The following GPHN variants were observed in gnomAD, a reference collection of about 807,000 sequenced individuals.
GPHN encodes the protein gephyrin.
GPHN carries 17 observed loss-of-function variants against 95.5 expected under a neutral mutation model. That is an observed-to-expected ratio of 0.18 (90% CI 0.12 to 0.27). The LOEUF (loss-of-function observed/expected upper bound fraction) is 0.27, where lower values mean the gene tolerates loss of function less well. Among genes scored for constraint, GPHN ranks in the 10% least tolerant of loss-of-function variants. GPHN has a pLI of 1.00. For missense variants in GPHN, 660 were observed against 978.1 expected (o/e 0.67, Z 4.34); for synonymous variants, 320 against 322.5 (o/e 0.99, Z 0.08).
the GPHN span, among the ~76,000 whole-genome samples, chr14:67,657,690 C>T: frequency 1.3e-5 from 2 of 151,798 alleles, no homozygotes; most frequent in African/African-American, 4.8e-5. Flanking sequence ...GCAGTAGGAC[C>T]ATCAAGGAGC....
At chr14:66,907,189 A>G (rs537557254) in intron 5 of GPHN, among the ~76,000 whole-genome samples, 6 of 152,304 alleles carry the variant, frequency 3.9e-5, no homozygotes, top group South Asian at 2.1e-4. Context: ...ATTTACTTCA[A>G]TAGGTAAATG....
At chr14:66,620,339 TG>T (rs2063239176) in intron 1 of GPHN, among the ~76,000 whole-genome samples, 1 of 152,152 alleles carries the variant, frequency 6.6e-6, no homozygotes, top group African/African-American at 2.4e-5. Flanking sequence ...TACCTGAGAC[TG>T]GGCAATTTAC....
At chr14:67,328,424 C>T in the GPHN span, among the ~76,000 whole-genome samples, 1 of 152,174 alleles carries the variant, frequency 6.6e-6, no homozygotes, top group Non-Finnish European at 1.5e-5. Context: ...TTCTCCCATT[C>T]TGTAGGTTGC....
At chr14:67,490,814 C>T in the GPHN span, among the ~76,000 whole-genome samples, 1 of 152,070 alleles carries the variant, frequency 6.6e-6, no homozygotes, top group African/African-American at 2.4e-5. Context: ...CCCAAATCTC[C>T]CTGTAAAGGA....
intron 1 of GPHN, among the ~76,000 whole-genome samples, chr14:66,602,887 G>A (rs2062324945): frequency 6.6e-6 from 1 of 151,796 alleles, no homozygotes; most frequent in African/African-American, 2.4e-5. Flanking sequence ...TGAACATTTT[G>A]AAATAAGAGT....
At chr14:66,842,435 A>G (rs982091077) in intron 4 of GPHN, among the ~76,000 whole-genome samples, 2 of 152,132 alleles carry the variant, frequency 1.3e-5, no homozygotes, top group Admixed American at 6.5e-5. Context: ...AATTTTTCCA[A>G]GTACCTCCTT....
the GPHN span, chr14:67,382,347 G>T: frequency 8.9e-7 from 1 of 1,118,062 alleles, no homozygotes. Context: ...ACGTTTTGGG[G>T]TGATTTGTTA....
At chr14:67,576,608 A>G in the GPHN span, 3 of 612,848 alleles carry the variant, frequency 4.9e-6, no homozygotes, top group East Asian at 8.7e-5. The surrounding 1 kb of genome is among the most constrained non-coding windows in gnomAD (Gnocchi z 4.0). Flanking sequence ...GCTGTTTTTA[A>G]AACATCTAAG....
chr14:66,960,993 A>G (rs571631235), intron 8 of GPHN, among the ~76,000 whole-genome samples: 10 of 152,236 alleles, frequency 6.6e-5, no homozygotes, highest in Non-Finnish European at 1.2e-4. Flanking sequence ...ACATTACCCA[A>G]TGAATAGCTG....
the GPHN span, among the ~76,000 whole-genome samples, chr14:67,349,814 A>G: frequency 2.6e-5 from 4 of 152,244 alleles, no homozygotes; most frequent in Non-Finnish European, 5.9e-5. Flanking sequence ...AGAAAATTCA[A>G]TGCAAGCTGT....
intron 11 of GPHN, among the ~76,000 whole-genome samples, chr14:67,073,168 A>G (rs1283305792): frequency 6.6e-6 from 1 of 152,184 alleles, no homozygotes; most frequent in African/African-American, 2.4e-5. Context: ...TCCAGGGTTC[A>G]AAAAGAAAAG....
the GPHN span, chr14:67,202,936 C>T: frequency 2.2e-5 from 7 of 324,392 alleles, no homozygotes; most frequent in South Asian, 4.8e-4. Flanking sequence ...CTGTTCCCTG[C>T]GGTATCTCCA....
chr14:67,612,119 C>T, the GPHN span, among the ~76,000 whole-genome samples: 7 of 152,178 alleles, frequency 4.6e-5, no homozygotes, highest in Non-Finnish European at 1.0e-4. Flanking sequence ...TGGGGAGTAG[C>T]TGTAAATACA....
the GPHN span, among the ~76,000 whole-genome samples, chr14:67,663,788 G>A: frequency 1.0e-3 from 154 of 152,286 alleles, no homozygotes; most frequent in Admixed American, 2.1e-3. Flanking sequence ...TTTGTATGGG[G>A]GAAAGGCATA....
At chr14:67,195,451 G>A in the GPHN span, among the ~76,000 whole-genome samples, 3 of 152,158 alleles carry the variant, frequency 2.0e-5, no homozygotes, top group East Asian at 3.9e-4. Flanking sequence ...AGGGCCTTTC[G>A]CTATCCCAGC....
the GPHN span, among the ~76,000 whole-genome samples, chr14:67,362,689 AAGAT>A: frequency 6.6e-6 from 1 of 152,176 alleles, no homozygotes; most frequent in Non-Finnish European, 1.5e-5. Flanking sequence ...TGCTGTGAAA[AAGAT>A]AAAGAGGTGA....
chr14:67,223,737 C>T, the GPHN span: 1 of 984,130 alleles, frequency 1.0e-6, no homozygotes, highest in Non-Finnish European at 1.2e-6. Flanking sequence ...TGTTTTCCCA[C>T]TTTTTTCTTA....
intron 8 of GPHN, among the ~76,000 whole-genome samples, chr14:66,946,254 A>G (rs1461168824): frequency 6.6e-6 from 1 of 152,214 alleles, no homozygotes; most frequent in African/African-American, 2.4e-5. Flanking sequence ...AATACGTAAT[A>G]AAGTTAACAT....
intron 1 of GPHN, among the ~76,000 whole-genome samples, chr14:66,574,087 T>C (rs1446825930): frequency 6.6e-6 from 1 of 152,230 alleles, no homozygotes; most frequent in Non-Finnish European, 1.5e-5. Flanking sequence ...TCTTTGTTTC[T>C]TATATTCTGG....
Sources: allele counts gnomAD v4.1 joint callset (sites outside exome capture counted in the v4.1 genomes callset), GRCh38; gene constraint gnomAD v4.1.1; non-coding constraint Gnocchi (gnomAD v3.1); transcripts MANE v1.5; gene names NCBI Gene and HGNC (gene_info 2026-07-23, HGNC 2026-07-21).